Variants in ERBB4 observed in about 807,000 individuals in gnomAD.
The protein encoded by ERBB4 is receptor tyrosine-protein kinase erbB-4.
ERBB4 carries 42 observed loss-of-function variants against 158.0 expected under a neutral mutation model. That is an observed-to-expected ratio of 0.27 (90% CI 0.21 to 0.34). The LOEUF (loss-of-function observed/expected upper bound fraction) is 0.34, where lower values mean the gene tolerates loss of function less well. ERBB4 is among the 10% of genes least tolerant of loss of function. The pLI, the probability that ERBB4 is intolerant of heterozygous loss-of-function variation, is 1.00. For missense variants in ERBB4, 1,333 were observed against 1,624.1 expected, an observed-to-expected ratio of 0.82 and a Z score of 3.08; for synonymous variants, 583 against 558.7, an observed-to-expected ratio of 1.04 and a Z score of -0.61.
At chr2:211,965,059 A>G (rs2081275342) in intron 2 of ERBB4, among the ~76,000 whole-genome samples, 1 of 152,204 alleles carries the variant, frequency 6.6e-6, no homozygotes, top group African/African-American at 2.4e-5. Context: ...CACAAACACA[A>G]GGCCTTTGTT....
rs2125318532 is a variant in ERBB4 at position 211,386,927 on chromosome 2, G to A, written c.3407C>T (p.Ala1136Val). The change falls in exon 27 of 28, where the codon GCC becomes GTC. Residue 1136 changes from alanine (A) to valine (V), a missense_variant. Coordinates refer to ENST00000342788, the MANE Select transcript of ERBB4 (RefSeq NM_005235.3). ...CTCTCCTCGTGGGCTCCGTTCTGGG[G>A]CAAACACGGTGGGGTCAGCACTGTA... is the stretch of plus-strand genomic sequence containing the variant. ...QRYSADPTVF[A>V]PERSPRGELD... 2 of 1,614,128 alleles carry A rather than the reference G, an allele frequency of 1.2e-6. No homozygotes were observed. The highest frequency in any genetic ancestry group is 1.7e-6 in the Non-Finnish European group (2 of 1,180,012).
intron 2 of ERBB4, among the ~76,000 whole-genome samples, chr2:212,061,368 G>T (rs1012246281): frequency 7.1e-6 from 1 of 141,128 alleles, no homozygotes; most frequent in South Asian, 2.4e-4. Context: ...TGGGAGAATT[G>T]CTTGAACCCA....
At chr2:212,093,189 T>C (rs1454486483) in intron 2 of ERBB4, among the ~76,000 whole-genome samples, 1 of 152,160 alleles carries the variant, frequency 6.6e-6, no homozygotes, top group African/African-American at 2.4e-5. Context: ...CACATCCCAA[T>C]GGAAAGTATC....
intron 3 of ERBB4, among the ~76,000 whole-genome samples, chr2:211,909,036 T>G (rs2079473248): frequency 6.6e-6 from 1 of 151,754 alleles, no homozygotes; most frequent in Admixed American, 6.6e-5. Context: ...ACATAAAAGC[T>G]AATGTCCCAT....
chr2:212,030,161 C>T (rs1050284054), intron 2 of ERBB4, among the ~76,000 whole-genome samples: 2 of 152,064 alleles, frequency 1.3e-5, no homozygotes, highest in African/African-American at 4.8e-5. Context: ...AATGTATGAA[C>T]GCACTTCCAT....
intron 3 of ERBB4, among the ~76,000 whole-genome samples, chr2:211,869,996 T>A (rs2078302151): frequency 6.6e-6 from 1 of 152,156 alleles, no homozygotes; most frequent in African/African-American, 2.4e-5. Context: ...GACTGTCATA[T>A]TTAGTAAGAC....
chr2:212,035,555 T>A (rs1230845280), intron 2 of ERBB4, among the ~76,000 whole-genome samples: 1 of 152,208 alleles, frequency 6.6e-6, no homozygotes, highest in East Asian at 1.9e-4. Flanking sequence ...TGTTTTAACA[T>A]ACATACATTT....
At chr2:211,685,972 C>T (rs1299188031) in intron 12 of ERBB4, among the ~76,000 whole-genome samples, 1 of 152,098 alleles carries the variant, frequency 6.6e-6, no homozygotes, top group African/African-American at 2.4e-5. Flanking sequence ...ATCTTCTATC[C>T]TATAATCATG....
intron 5 of ERBB4, among the ~76,000 whole-genome samples, chr2:211,740,520 T>C (rs943421721): frequency 6.6e-6 from 1 of 151,990 alleles, no homozygotes; most frequent in African/African-American, 2.4e-5. Flanking sequence ...AAAGTTGACC[T>C]GTATCCAGTT....
intron 20 of ERBB4, among the ~76,000 whole-genome samples, chr2:211,498,183 A>G (rs1163582996): frequency 6.6e-6 from 1 of 152,064 alleles, no homozygotes; most frequent in Non-Finnish European, 1.5e-5. Flanking sequence ...ACAATATGGT[A>G]TGTTGACTTC....
intron 19 of ERBB4, among the ~76,000 whole-genome samples, chr2:211,617,981 T>A (rs997565111): frequency 9.2e-5 from 14 of 152,082 alleles, no homozygotes; most frequent in African/African-American, 2.9e-4. Flanking sequence ...CATAATTTTA[T>A]TCCATCCTAC....
intron 25 of ERBB4, among the ~76,000 whole-genome samples, chr2:211,415,107 C>CTTTTTTTTTTTTTTTTTT (rs71047175): frequency 1.4e-5 from 1 of 72,506 alleles, no homozygotes; most frequent in African/African-American, 5.5e-5. Flanking sequence ...CTTACATTTT[C>CTTTTTTTTTTTTTTTTTT]TTTTTTTTTT....
At chr2:212,401,671 CATG>C (rs1308291366) in intron 1 of ERBB4, among the ~76,000 whole-genome samples, 1 of 151,966 alleles carries the variant, frequency 6.6e-6, no homozygotes, top group Non-Finnish European at 1.5e-5. Flanking sequence ...GTTTATTAAA[CATG>C]ATGATAAAAT....
At chr2:211,982,287 C>T (rs1244067016) in intron 2 of ERBB4, among the ~76,000 whole-genome samples, 1 of 151,980 alleles carries the variant, frequency 6.6e-6, no homozygotes. Flanking sequence ...GTTACTAAAA[C>T]GATGTCCTGG....
chr2:211,779,930 T>C (rs1559512238), intron 4 of ERBB4, among the ~76,000 whole-genome samples: 1 of 152,296 alleles, frequency 6.6e-6, no homozygotes, highest in East Asian at 1.9e-4. Flanking sequence ...CCAGTTCAAT[T>C]AGGCCTTCAA....
At position 211,771,112 on chromosome 2, in the gene ERBB4, T is replaced by C. The variant is rs571403272; in HGVS notation, c.556+16913A>G. 3.1e-3 allele frequency among the ~76,000 whole-genome samples: 475 copies of C among 152,340 alleles called. 4 individuals are homozygous for C. The highest frequency in any genetic ancestry group is 0.02 in the Middle Eastern group (6 of 294). ...TACTTACACCTCTTCCTAGAATCAA[T>C]AGGAGAATTCTGAAGATAGTCAGAT... On this transcript the variant is annotated intron_variant, in intron 4 of 27. Transcript: ENST00000342788.
chr2:211,634,426 A>G (rs538749063), intron 16 of ERBB4, among the ~76,000 whole-genome samples: 33 of 152,184 alleles, frequency 2.2e-4, no homozygotes, highest in Non-Finnish European at 4.4e-4. Flanking sequence ...TGAAAAGTTA[A>G]TACTATTTTC....
At chr2:211,768,332 G>A (rs1467109584) in intron 4 of ERBB4, among the ~76,000 whole-genome samples, 1 of 152,168 alleles carries the variant, frequency 6.6e-6, no homozygotes, top group East Asian at 1.9e-4. Flanking sequence ...GGCACACAGT[G>A]AAGCTGTCGA....
At position 212,275,051 on chromosome 2, in the gene ERBB4, C is replaced by A. The variant is rs556615730; in HGVS notation, c.83-150148G>T. 3.3e-5 allele frequency among the ~76,000 whole-genome samples: 5 copies of A among 152,024 alleles called. No individual in the cohort carries two copies. In the South Asian group the frequency reaches 1.0e-3, roughly 32 times the overall value. ...GGTTTTCTGTTCCCTTGTTAGTTTG[C>A]TGAGAATGATGGTTTCCAGCTTCAT... On this transcript the variant is annotated intron_variant, in intron 1 of 27. Coordinates refer to ENST00000342788, the MANE Select transcript of ERBB4 (RefSeq NM_005235.3).
Sources: allele counts gnomAD v4.1 joint callset (sites outside exome capture counted in the v4.1 genomes callset), GRCh38; gene constraint gnomAD v4.1.1; transcripts MANE v1.5; gene names NCBI Gene and HGNC (gene_info 2026-07-23, HGNC 2026-07-21).